Variants in EVI5 observed in about 807,000 individuals in gnomAD.
The protein encoded by EVI5 is ecotropic viral integration site 5, also known as ecotropic viral integration site 5 protein homolog.
Under a neutral mutation model 112.0 loss-of-function variants are expected in EVI5, and 73 were observed. The observed-to-expected ratio is 0.65, with a 90% CI of 0.54 to 0.79. The LOEUF is 0.79. EVI5 is among the 30% of genes least tolerant of loss of function. The probability of loss-of-function intolerance (pLI) is 0.00; values close to 1 mark genes in which losing one functional copy is unlikely to be tolerated. For missense variants in EVI5, 900 were observed against 968.8 expected (o/e 0.93, Z 0.94); for synonymous variants, 305 against 319.9 (o/e 0.95, Z 0.50).
rs1659118962 is a variant in EVI5, at chr1:92,510,412, TTCA to T, written c.*3241_*3243del. ...TACAGTTTTCTATGGAATAAGAGAC[TTCA>T]TCATATAAAATGGCTGGCATGTTTT... is the stretch of plus-strand genomic sequence containing the variant. On this transcript the variant is annotated 3_prime_UTR_variant, in exon 20 of 20. Coordinates refer to ENST00000684568, the MANE Select transcript of EVI5 (RefSeq NM_001350197.2). 6.6e-6 allele frequency: 1 copy of T among 152,222 alleles called. No homozygotes were observed. Among genetic ancestry groups the T allele is most frequent in the Non-Finnish European group, 1.5e-5 (1 of 68,036 alleles). The allele number at this position is 152,222 out of a possible 1,614,324, so 9.4% of individuals were successfully genotyped here. A position where few individuals can be genotyped will look rare whatever the true frequency, so the allele number is the denominator to read the frequency against.
intron 19 of EVI5, among the ~76,000 whole-genome samples, chr1:92,544,609 T>C (rs2100666110): frequency 6.6e-6 from 1 of 152,336 alleles, no homozygotes; most frequent in South Asian, 2.1e-4. Context: ...TTTAATGGTT[T>C]AGACTGAAAT....
intron 19 of EVI5, among the ~76,000 whole-genome samples, chr1:92,546,715 C>T (rs1665777937): frequency 6.6e-6 from 1 of 151,876 alleles, no homozygotes; most frequent in Non-Finnish European, 1.5e-5. Flanking sequence ...AAATAAATAA[C>T]AGACTTTAAA....
rs753055293 is a variant in EVI5, at chr1:92,624,324, G to C, written c.1679C>G (p.Ala560Gly). The change falls in exon 16 of 20, where the codon GCT (alanine) becomes GGT (glycine). Residue 560 changes from alanine to glycine, a missense_variant. Ala to Gly is a moderately conservative substitution (Grantham distance 60). Transcript: ENST00000684568. ...DLEEHWQRHLARTTGRWKDPP... is the reference protein window; with the variant it reads ...DLEEHWQRHLGRTTGRWKDPP... ...GTCTTTCCATCTCCCAGTAGTACGA[G>C]CTAAGTGGCGCTAAAGCATAAAAAA... 1.3e-5 allele frequency: 21 copies of C among 1,612,910 alleles called. No individual in the cohort carries two copies. The Admixed American group carries it at 2.3e-4, about 18-fold the overall frequency.
chr1:92,665,123 C>T (rs56695578), intron 11 of EVI5, among the ~76,000 whole-genome samples: 13,070 of 151,984 alleles, frequency 0.086, 1,588 homozygotes, highest in African/African-American at 0.27. Context: ...GAGAATCCCT[C>T]GAACCTGGGA....
At chr1:92,600,980 T>G (rs1649048395) in intron 18 of EVI5, among the ~76,000 whole-genome samples, 2 of 152,034 alleles carry the variant, frequency 1.3e-5, no homozygotes. Flanking sequence ...AAACAACAGT[T>G]AAACAAGAAA....
intron 13 of EVI5, among the ~76,000 whole-genome samples, chr1:92,657,260 AG>A (rs1663164509): frequency 6.6e-6 from 1 of 152,250 alleles, no homozygotes; most frequent in South Asian, 2.1e-4. Context: ...CCACATAAAC[AG>A]AACTAAAAAC....
intron 1 of EVI5, among the ~76,000 whole-genome samples, chr1:92,754,112 T>C (rs1412068801): frequency 6.6e-6 from 1 of 152,190 alleles, no homozygotes; most frequent in Non-Finnish European, 1.5e-5. Flanking sequence ...GAGGCTTACT[T>C]TAACTACTAT....
chr1:92,524,828 CT>C (rs556819782), intron 19 of EVI5, among the ~76,000 whole-genome samples: 1,402 of 137,486 alleles, frequency 0.01, 9 homozygotes, highest in African/African-American at 0.022. Context: ...AGATTAACTA[CT>C]TTTTTTTTTT....
At chr1:92,591,275 A>T (rs1673830623) in intron 18 of EVI5, among the ~76,000 whole-genome samples, 1 of 152,204 alleles carries the variant, frequency 6.6e-6, no homozygotes, top group Non-Finnish European at 1.5e-5. Context: ...ATTAACCTTA[A>T]ATGTAAAGGG....
chr1:92,625,800 G>C lies in EVI5; in HGVS notation c.1662C>G (p.His554Gln), dbSNP rs1156547886. 6.2e-7 allele frequency: 1 copy of C among 1,611,712 alleles called. No individual in the cohort carries two copies. Among genetic ancestry groups the C allele is most frequent in the South Asian group, 1.1e-5 (1 of 90,774 alleles). The stretch of plus-strand genomic sequence containing the variant: ...ACAAAATATATTAATATACCTGCCA[G>C]TGTTCCTCTAAATCCTTGACTTGCT... ...LRQQVKDLEE[H>Q]WQRHLARTTG... Residue 554 changes from histidine (H) to glutamine (Q), a missense_variant, in exon 15 of 20, where the codon CAC (histidine) becomes CAG (glutamine). Physicochemically the swap from His to Gln is conservative, Grantham distance 24. Transcript: ENST00000684568.
intron 19 of EVI5, among the ~76,000 whole-genome samples, chr1:92,519,370 T>C (rs767570137): frequency 6.6e-6 from 1 of 152,126 alleles, no homozygotes; most frequent in Non-Finnish European, 1.5e-5. Context: ...ATGAAATTCA[T>C]AGAACACCTA....
chr1:92,626,448 T>C (rs953940114), intron 14 of EVI5, among the ~76,000 whole-genome samples: 1 of 152,206 alleles, frequency 6.6e-6, no homozygotes, highest in Non-Finnish European at 1.5e-5. Flanking sequence ...ATTTGGGTTG[T>C]TTCCACTTTT....
At chr1:92,652,466 T>C (rs1312898718) in intron 13 of EVI5, among the ~76,000 whole-genome samples, 1 of 152,208 alleles carries the variant, frequency 6.6e-6, no homozygotes, top group Non-Finnish European at 1.5e-5. Context: ...CACTGAACTG[T>C]ACACTTAAAT....
chr1:92,672,970 A>T (rs1284023433), intron 10 of EVI5, among the ~76,000 whole-genome samples: 1 of 152,192 alleles, frequency 6.6e-6, no homozygotes, highest in Non-Finnish European at 1.5e-5. Context: ...TTTCCTCGCA[A>T]TGTGACCACT....
In EVI5 at chr1:92,701,215, G is replaced by A. The variant is rs182869974; in HGVS notation, c.639+926C>T. 1.3e-4 allele frequency among the ~76,000 whole-genome samples: 20 copies of A among 152,288 alleles called. No individual in the cohort carries two copies. The East Asian group carries it at 2.9e-3, about 22-fold the overall frequency. ...AAGCTGAAGCAAAGCATCAGGAAAC[G>A]GTTTCTGATTCCTACTTTGCTTTTA... On this transcript the variant is annotated intron_variant, in intron 5 of 19. Transcript: ENST00000684568.
intron 9 of EVI5, among the ~76,000 whole-genome samples, chr1:92,690,722 C>T (rs1669360033): frequency 6.6e-6 from 1 of 152,038 alleles, no homozygotes; most frequent in Admixed American, 6.6e-5. Flanking sequence ...CTTACAATGC[C>T]AAAGTATCAA....
chr1:92,770,936 C>G (rs937511850), intron 1 of EVI5, among the ~76,000 whole-genome samples: 1 of 151,610 alleles, frequency 6.6e-6, no homozygotes, highest in Non-Finnish European at 1.5e-5. Context: ...CTGCCTCAGC[C>G]TCCCAAGTAG....
chr1:92,746,838 T>G (rs1369427035), intron 1 of EVI5, among the ~76,000 whole-genome samples: 1 of 150,148 alleles, frequency 6.7e-6, no homozygotes, highest in Non-Finnish European at 1.5e-5. Flanking sequence ...AAGGCTGCAG[T>G]GAACTGTGAT....
intron 19 of EVI5, among the ~76,000 whole-genome samples, chr1:92,515,374 A>G (rs1659697498): frequency 6.6e-6 from 1 of 152,120 alleles, no homozygotes; most frequent in Non-Finnish European, 1.5e-5. Flanking sequence ...AGTTTCCTCA[A>G]ACTCCCAAAT....
Sources: allele counts gnomAD v4.1 joint callset (sites outside exome capture counted in the v4.1 genomes callset), GRCh38; gene constraint gnomAD v4.1.1; transcripts MANE v1.5; gene names NCBI Gene and HGNC (gene_info 2026-07-23, HGNC 2026-07-21).